The following DPH6 variants were observed in gnomAD, a reference collection of about 807,000 sequenced individuals.
DPH6 encodes the protein diphthine--ammonia ligase.
A neutral mutation model predicts 38.2 loss-of-function variants in DPH6; 33 were observed. That is an observed-to-expected ratio of 0.86 (90% confidence interval 0.65 to 1.15). DPH6 has a LOEUF of 1.15. Ranked by LOEUF, DPH6 falls within the 50% of genes most tolerant of loss-of-function variation. The pLI is 0.00. For missense variants in DPH6, 325 were observed against 320.0 expected (o/e 1.02, Z -0.12); for synonymous variants, 108 against 103.0 (o/e 1.05, Z -0.30).
chr15:35,372,286 T>C, intron 8 of DPH6, 83 bp from the exon 9 acceptor site: 2 of 1,117,754 alleles, frequency 1.8e-6, no homozygotes, highest in Non-Finnish European at 1.2e-6. Flanking sequence ...AAAGATGTAA[T>C]ACTGTTATCT....
intron 3 of DPH6, among the ~76,000 whole-genome samples, chr15:35,353,155 G>A (rs1164969431): frequency 6.6e-6 from 1 of 150,528 alleles, no homozygotes; most frequent in South Asian, 2.1e-4. Flanking sequence ...ATTTGTTTGA[G>A]TTCACTGTAG....
intron 3 of DPH6, among the ~76,000 whole-genome samples, chr15:35,462,688 G>A (rs1160124040): frequency 6.6e-6 from 1 of 151,786 alleles, no homozygotes; most frequent in African/African-American, 2.4e-5. Flanking sequence ...TCCTTGCCCT[G>A]GCTTTATTTT....
At chr15:35,399,087 T>A (rs1224302064) in intron 6 of DPH6, among the ~76,000 whole-genome samples, 2 of 152,138 alleles carry the variant, frequency 1.3e-5, no homozygotes, top group African/African-American at 4.8e-5. Flanking sequence ...TAACACAGAT[T>A]ACAAGAAATC....
chr15:35,247,544 G>C (rs1484144910), intron 3 of DPH6, among the ~76,000 whole-genome samples: 2 of 152,150 alleles, frequency 1.3e-5, no homozygotes, highest in East Asian at 3.8e-4. Context: ...TACTGAAAGT[G>C]AATGTCTTTA....
chr15:35,229,083 A>C (rs2051500769), intron 3 of DPH6, among the ~76,000 whole-genome samples: 1 of 152,048 alleles, frequency 6.6e-6, no homozygotes, highest in South Asian at 2.1e-4. Flanking sequence ...TTGGATATTG[A>C]TATCTTCCCC....
At chr15:35,148,279 T>C in the DPH6 span, among the ~76,000 whole-genome samples, 1 of 152,228 alleles carries the variant, frequency 6.6e-6, no homozygotes, top group African/African-American at 2.4e-5. Flanking sequence ...AAGACTGTAC[T>C]ATAGTTTGGC....
At chr15:35,228,689 G>A (rs80013405) in intron 3 of DPH6, among the ~76,000 whole-genome samples, 23,306 of 152,128 alleles carry the variant, frequency 0.15, 2,193 homozygotes, top group South Asian at 0.29. Flanking sequence ...GCTCATTAAC[G>A]CCCTTTTCTT....
intron 3 of DPH6, among the ~76,000 whole-genome samples, chr15:35,514,314 C>G (rs957104408): frequency 6.6e-6 from 1 of 151,962 alleles, no homozygotes; most frequent in Admixed American, 6.6e-5. Flanking sequence ...CCATTTAAAG[C>G]TAAAGACAAA....
chr15:35,257,297 G>T (rs1414537124), intron 3 of DPH6, among the ~76,000 whole-genome samples: 1 of 152,108 alleles, frequency 6.6e-6, no homozygotes, highest in Non-Finnish European at 1.5e-5. Context: ...CTCAGGGAGG[G>T]TAAAAAGTCT....
In DPH6 at chr15:35,400,961, A is replaced by C. The variant is rs979824838; in HGVS notation, c.567+9874T>G. On this transcript the variant is annotated intron_variant, in intron 6 of 8. Coordinates refer to ENST00000256538, the MANE Select transcript of DPH6 (RefSeq NM_080650.4). ...TTGTGGAACCAAAGAGAGCTGTCTA[A>C]GAAGATTCTCAAAGACCAGGTGCCC... The C allele has an allele frequency of 3.4e-5, 35 of 1,026,124 alleles. No homozygotes were observed. In the African/African-American group the frequency reaches 5.3e-4, roughly 16 times the overall value. 63.6% of individuals were successfully genotyped at this position (1,026,124 alleles called of 1,614,324 possible). A position where few individuals can be genotyped will look rare whatever the true frequency, so the allele number is the denominator to read the frequency against.
intron 3 of DPH6, among the ~76,000 whole-genome samples, chr15:35,231,221 C>T (rs1196100447): frequency 6.6e-6 from 1 of 152,194 alleles, no homozygotes. Flanking sequence ...AAATAGGGCT[C>T]GTTTAAATGC....
At chr15:35,244,039 T>C (rs318336) in intron 3 of DPH6, among the ~76,000 whole-genome samples, 93,532 of 152,052 alleles carry the variant, frequency 0.62, 31,361 homozygotes, top group Non-Finnish European at 0.77. Flanking sequence ...TGGATTTTAA[T>C]TCAGTATAGT....
At chr15:35,290,648 T>G (rs2140783784) in intron 3 of DPH6, among the ~76,000 whole-genome samples, 2 of 152,310 alleles carry the variant, frequency 1.3e-5, no homozygotes, top group Non-Finnish European at 2.9e-5. Context: ...CTGCTGCCAC[T>G]GTTAGTCTGT....
rs186678478 is a variant in DPH6, at chr15:35,264,663, C to G, written n.201-44081G>C. The stretch of plus-strand genomic sequence containing the variant: ...CCCAGCAGCAGTCAGGTGGAATGGC[C>G]TTTAAATAAAGTACCAGTTTGGCAC... On this transcript the variant is annotated intron_variant and non_coding_transcript_variant, in intron 3 of 3. Transcript: ENST00000560386. Among the ~76,000 whole-genome samples, 170 of 152,276 alleles carry G rather than the reference C, an allele frequency of 1.1e-3. 1 individual carries two copies. Among genetic ancestry groups the G allele is most frequent in the African/African-American group, 3.9e-3 (164 of 41,560 alleles).
chr15:35,387,160 G>A (rs549371249), intron 6 of DPH6, among the ~76,000 whole-genome samples: 3 of 152,042 alleles, frequency 2.0e-5, no homozygotes, highest in Admixed American at 6.6e-5. Flanking sequence ...GTAGACATGC[G>A]GCATTATATC....
chr15:35,436,753 G>GTT (rs57241274), intron 5 of DPH6, among the ~76,000 whole-genome samples: 16,328 of 143,866 alleles, frequency 0.11, 991 homozygotes, highest in Middle Eastern at 0.2. Flanking sequence ...CTGCCTTTAA[G>GTT]TTTTTTTTTT....
intron 8 of DPH6, 182 bp from the exon 9 acceptor site, chr15:35,372,385 CGAG>C (rs2052724960): frequency 2.3e-6 from 1 of 428,846 alleles, no homozygotes; most frequent in East Asian, 3.9e-5. Flanking sequence ...ACCAAAACAA[CGAG>C]GTGAACAGTG....
At chr15:35,249,462 G>A (rs1243153152) in intron 3 of DPH6, among the ~76,000 whole-genome samples, 2 of 152,164 alleles carry the variant, frequency 1.3e-5, no homozygotes, top group Admixed American at 6.5e-5. Context: ...TATTTAAGGA[G>A]ATAGATGGTA....
At chr15:35,150,675 A>C in the DPH6 span, among the ~76,000 whole-genome samples, 1 of 152,218 alleles carries the variant, frequency 6.6e-6, no homozygotes, top group African/African-American at 2.4e-5. Context: ...CGAAGAACAC[A>C]TGCTACAGCC....
Sources: allele counts gnomAD v4.1 joint callset (sites outside exome capture counted in the v4.1 genomes callset), GRCh38; gene constraint gnomAD v4.1.1; transcripts MANE v1.5; gene names NCBI Gene and HGNC (gene_info 2026-07-23, HGNC 2026-07-21).